The following KLF12 variants were observed in gnomAD, a reference collection of about 807,000 sequenced individuals.
The protein encoded by KLF12 is Krueppel-like factor 12.
KLF12 carries 9 observed loss-of-function variants against 37.8 expected under a neutral mutation model. That is an observed-to-expected ratio of 0.24 (90% CI 0.14 to 0.42). KLF12 has a LOEUF of 0.42. KLF12 is among the 10% of genes least tolerant of loss of function. KLF12 has a pLI of 1.00. For missense variants in KLF12, 411 were observed against 516.0 expected (o/e 0.80, Z 1.97); for synonymous variants, 208 against 202.1 (o/e 1.03, Z -0.25).
intron 3 of KLF12, among the ~76,000 whole-genome samples, chr13:73,909,810 T>C (rs1046027470): frequency 9.2e-5 from 14 of 152,192 alleles, no homozygotes; most frequent in African/African-American, 3.4e-4. Context: ...ACTTTTCCAT[T>C]TTGTCCAAAT....
chr13:74,137,070 A>G (rs1446490654), upstream of KLF12, among the ~76,000 whole-genome samples: 2 of 152,220 alleles, frequency 1.3e-5, no homozygotes, highest in African/African-American at 2.4e-5. Flanking sequence ...ATGTAATTCT[A>G]TCTCCATATA....
intron 4 of KLF12, among the ~76,000 whole-genome samples, chr13:73,837,199 C>A (rs1455250691): frequency 6.6e-6 from 1 of 152,122 alleles, no homozygotes; most frequent in African/African-American, 2.4e-5. Context: ...TAATTAAACT[C>A]ATTTCTGGGC....
At chr13:73,932,902 G>T (rs1278052699) in intron 3 of KLF12, among the ~76,000 whole-genome samples, 2 of 152,070 alleles carry the variant, frequency 1.3e-5, no homozygotes, top group Admixed American at 1.3e-4. Flanking sequence ...TATATTAGTA[G>T]GAATTATGTC....
the KLF12 span, among the ~76,000 whole-genome samples, chr13:74,284,982 C>T: frequency 6.6e-6 from 1 of 152,212 alleles, no homozygotes; most frequent in Non-Finnish European, 1.5e-5. Flanking sequence ...CTAATAATTT[C>T]CACTGTCATG....
chr13:74,065,223 C>CACACAT (rs66832492), intron 1 of KLF12, among the ~76,000 whole-genome samples: 2,496 of 151,080 alleles, frequency 0.017, 56 homozygotes, highest in Non-Finnish European at 0.022. Context: ...CACACACACA[C>CACACAT]ATGTATATAT....
chr13:74,052,355 A>G (rs1405165896), intron 1 of KLF12, among the ~76,000 whole-genome samples: 1 of 151,990 alleles, frequency 6.6e-6, no homozygotes, highest in Non-Finnish European at 1.5e-5. Flanking sequence ...TACTCATTAG[A>G]TAATTCTGAG....
At chr13:74,192,947 T>C in the KLF12 span, among the ~76,000 whole-genome samples, 2 of 151,762 alleles carry the variant, frequency 1.3e-5, no homozygotes, top group African/African-American at 2.4e-5. Context: ...TAGAATCAGA[T>C]TGAAAGCTCT....
chr13:74,266,976 A>G, the KLF12 span, among the ~76,000 whole-genome samples: 1 of 152,328 alleles, frequency 6.6e-6, no homozygotes, highest in African/African-American at 2.4e-5. Flanking sequence ...GAGTGGAAAA[A>G]TATTAGTGTA....
chr13:74,042,922 T>C (rs1435038719), intron 1 of KLF12, among the ~76,000 whole-genome samples: 5 of 152,142 alleles, frequency 3.3e-5, no homozygotes, highest in Non-Finnish European at 7.3e-5. Flanking sequence ...CACAGCAAAG[T>C]AGGAAGAAAC....
the KLF12 span, among the ~76,000 whole-genome samples, chr13:74,241,449 C>T: frequency 6.6e-6 from 1 of 152,226 alleles, no homozygotes; most frequent in African/African-American, 2.4e-5. Flanking sequence ...AGGCAGGCCT[C>T]CTTGAGCTGT....
intron 1 of KLF12, among the ~76,000 whole-genome samples, chr13:74,133,303 C>T (rs1878365933): frequency 6.6e-6 from 1 of 152,060 alleles, no homozygotes; most frequent in African/African-American, 2.4e-5. Flanking sequence ...GGGGGGCCAA[C>T]TACTTCCACG....
At chr13:73,877,768 ATCT>A (rs1414508643) in intron 3 of KLF12, among the ~76,000 whole-genome samples, 4 of 152,120 alleles carry the variant, frequency 2.6e-5, no homozygotes, top group Admixed American at 1.3e-4. Context: ...TTCTATGAAG[ATCT>A]TATTATTATT....
intron 6 of KLF12, among the ~76,000 whole-genome samples, chr13:73,761,506 G>C (rs893499608): frequency 6.6e-6 from 1 of 152,096 alleles, no homozygotes; most frequent in Non-Finnish European, 1.5e-5. Flanking sequence ...TTTCCCATTA[G>C]TTTCTCCCGC....
chr13:73,807,996 A>G (rs796263464), intron 5 of KLF12, among the ~76,000 whole-genome samples: 41 of 152,294 alleles, frequency 2.7e-4, no homozygotes, highest in African/African-American at 9.4e-4. Flanking sequence ...GGGGGTGCAA[A>G]AATTAGAGGC....
intron 3 of KLF12, among the ~76,000 whole-genome samples, chr13:73,902,271 G>A (rs1593700275): frequency 6.6e-6 from 1 of 152,156 alleles, no homozygotes; most frequent in East Asian, 1.9e-4. Context: ...TATAAAAAAT[G>A]TTTTAATGCT....
chr13:73,807,366 T>C (rs1204787967), intron 5 of KLF12, among the ~76,000 whole-genome samples: 2 of 150,910 alleles, frequency 1.3e-5, no homozygotes, highest in African/African-American at 2.4e-5. Flanking sequence ...GAGGAAGCAA[T>C]AGGGTATCTA....
intron 7 of KLF12, among the ~76,000 whole-genome samples, chr13:73,702,400 T>C (rs1593977385): frequency 6.6e-6 from 1 of 152,286 alleles, no homozygotes; most frequent in African/African-American, 2.4e-5. Flanking sequence ...CTTTTTCAGG[T>C]ACCTCCCATT....
chr13:74,190,163 A>T, the KLF12 span, among the ~76,000 whole-genome samples: 1 of 152,188 alleles, frequency 6.6e-6, no homozygotes, highest in Admixed American at 6.5e-5. Flanking sequence ...ATATTATCAA[A>T]TTACCAAGAT....
chr13:73,756,774 A>G (rs1198128756), intron 6 of KLF12, among the ~76,000 whole-genome samples: 1 of 152,076 alleles, frequency 6.6e-6, no homozygotes, highest in African/African-American at 2.4e-5. Flanking sequence ...CCCAGGACCA[A>G]TCATACTCTA....
Sources: allele counts gnomAD v4.1 joint callset (sites outside exome capture counted in the v4.1 genomes callset), GRCh38; gene constraint gnomAD v4.1.1; transcripts MANE v1.5; gene names NCBI Gene and HGNC (gene_info 2026-07-23, HGNC 2026-07-21).